CCDC68: variants seen among roughly 807,000 people sequenced by gnomAD.
The protein encoded by CCDC68 is coiled-coil domain containing 68.
In CCDC68, 45 loss-of-function variants were observed where a neutral mutation model predicts 47.1. That is an observed-to-expected ratio of 0.96 (90% CI 0.75 to 1.23). CCDC68 has a LOEUF of 1.23. Among genes scored for constraint, CCDC68 ranks in the 50% most tolerant of loss-of-function variants. The pLI is 0.00. For synonymous variants in CCDC68, 131 were observed against 129.5 expected (o/e 1.01, Z -0.08); for missense variants, 353 against 373.6 (o/e 0.94, Z 0.45).
chr18:54,949,169 T>G (rs1181787159), intron 1 of CCDC68, among the ~76,000 whole-genome samples: 1 of 152,132 alleles, frequency 6.6e-6, no homozygotes, highest in East Asian at 1.9e-4. Flanking sequence ...AATTTTTTTG[T>G]ATTTTTAGTA....
chr18:54,945,566 T>C (rs988380562), intron 1 of CCDC68, 89 bp from the exon 2 acceptor site: 1 of 152,196 alleles, frequency 6.6e-6, no homozygotes, highest in Admixed American at 6.5e-5. Context: ...ATTTGCATAT[T>C]TGAGGGCATC....
rs935585990 is a variant in CCDC68 at position 54,938,085 on chromosome 18, G to C, written c.217C>G (p.Leu73Val). ...HKLDAKHCGN[L>V]QQGSDSEMDP... ...ATTTCAGAATCAGAGCCCTGTTGAA[G>C]GTTTCCACAGTGCTGAAACGGACAA... Residue 73 changes from leucine to valine, a missense_variant, in exon 5 of 12, where the codon CTT becomes GTT. By Grantham distance (32) the Leu-to-Val change is conservative. Transcript: ENST00000591504. 6.2e-7 allele frequency: 1 copy of C among 1,612,774 alleles called. No homozygotes were observed. Among genetic ancestry groups the C allele is most frequent in the African/African-American group, 1.3e-5 (1 of 74,826 alleles).
chr18:54,923,798 A>G (rs1944380), intron 8 of CCDC68, among the ~76,000 whole-genome samples: 149,775 of 152,076 alleles, frequency 0.98, 73,804 homozygotes, highest in East Asian at 1. Context: ...TGCAACCTCC[A>G]GCTCCTGGGT....
intron 1 of CCDC68, among the ~76,000 whole-genome samples, chr18:54,946,946 A>G (rs1312882258): frequency 1.3e-5 from 2 of 152,184 alleles, no homozygotes; most frequent in South Asian, 2.1e-4. Context: ...CAGGGCAGGT[A>G]GTTCACATCT....
intron 1 of CCDC68, among the ~76,000 whole-genome samples, chr18:54,948,872 G>A (rs2044569057): frequency 6.6e-6 from 1 of 152,238 alleles, no homozygotes; most frequent in South Asian, 2.1e-4. Flanking sequence ...TGGTATTTGA[G>A]CAAAAGATGA....
intron 6 of CCDC68, 32 bp from the exon 7 acceptor site, chr18:54,934,980 A>G: frequency 3.3e-6 from 5 of 1,500,822 alleles, no homozygotes; most frequent in Non-Finnish European, 4.4e-6. Context: ...TGTTGTGAAA[A>G]CTCTGTTTTT....
chr18:54,936,235 A>C (rs1231180358), intron 6 of CCDC68, among the ~76,000 whole-genome samples: 1 of 75,974 alleles, frequency 1.3e-5, no homozygotes, highest in Non-Finnish European at 2.6e-5. Flanking sequence ...TATATTTTTA[A>C]AAAATATATA....
At chr18:54,914,838 G>A (rs1167382788) in intron 10 of CCDC68, among the ~76,000 whole-genome samples, 1 of 152,146 alleles carries the variant, frequency 6.6e-6, no homozygotes, top group Non-Finnish European at 1.5e-5. Flanking sequence ...TACAAACGGA[G>A]TACAATGGAA....
chr18:54,912,962 C>G (rs111731642), intron 10 of CCDC68, among the ~76,000 whole-genome samples: 2 of 152,118 alleles, frequency 1.3e-5, no homozygotes, highest in Non-Finnish European at 2.9e-5. Flanking sequence ...CCACAGGGTC[C>G]CTCCCACAAC....
At chr18:54,952,064 G>A (rs1175348770) in intron 1 of CCDC68, among the ~76,000 whole-genome samples, 1 of 152,306 alleles carries the variant, frequency 6.6e-6, no homozygotes, top group East Asian at 1.9e-4. Flanking sequence ...ACAACTTATT[G>A]TGGACATTTG....
At chr18:54,942,916 G>T in intron 2 of CCDC68, 113 bp from the exon 3 acceptor site, 1 of 659,250 alleles carries the variant, frequency 1.5e-6, no homozygotes, top group Non-Finnish European at 2.7e-6. Context: ...TAGCAGAAAA[G>T]CTATAAATCA....
At chr18:54,926,706 G>A (rs546595402) in intron 8 of CCDC68, among the ~76,000 whole-genome samples, 1 of 152,314 alleles carries the variant, frequency 6.6e-6, no homozygotes, top group African/African-American at 2.4e-5. Context: ...GAGATCTTCA[G>A]AGGTTTCTAG....
At chr18:54,951,048 A>T (rs1057386956) in intron 1 of CCDC68, among the ~76,000 whole-genome samples, 1 of 148,888 alleles carries the variant, frequency 6.7e-6, no homozygotes, top group African/African-American at 2.5e-5. Flanking sequence ...AGCTGGGACT[A>T]CAGGCGCCCG....
intron 11 of CCDC68, among the ~76,000 whole-genome samples, chr18:54,905,907 G>A (rs987441986): frequency 2.0e-5 from 3 of 152,126 alleles, no homozygotes; most frequent in Admixed American, 6.5e-5. Flanking sequence ...ATAGGTGCAC[G>A]AACCCCATTG....
rs1444502288 is a variant in CCDC68, at chr18:54,902,686, C to T, written c.*1672G>A. On this transcript the variant is annotated 3_prime_UTR_variant, in exon 12 of 12. Transcript: ENST00000591504. The stretch of plus-strand genomic sequence containing the variant: ...TCTTACTGTCATCCACAAAATAACA[C>T]AGGCAGTCATCCAGGAAGCTATGTG... 6.6e-6 allele frequency: 1 copy of T among 152,186 alleles called. No individual in the cohort carries two copies. The highest frequency in any genetic ancestry group is 2.4e-5 in the African/African-American group (1 of 41,442). 9.4% of individuals were successfully genotyped at this position (152,186 alleles called of 1,614,324 possible).
At position 54,934,853 on chromosome 18, in the gene CCDC68, T is replaced by C; in HGVS notation, c.567A>G (p.Thr189=). ...EKLEEKHSQI[T]ELENLVQRME... is the part of the protein sequence containing the mutation. ...TTCTCTGTACAAGGTTCTCCAATTCTGTAATTTGACTGTGTTTTTCTTCAA... is the reference window on the plus strand; with the variant it reads ...TTCTCTGTACAAGGTTCTCCAATTCCGTAATTTGACTGTGTTTTTCTTCAA... The change falls in exon 7 of 12, where the codon ACA becomes ACG. Residue 189 remains threonine, a synonymous_variant. Transcript: ENST00000591504. 6.3e-7 allele frequency: 1 copy of C among 1,597,138 alleles called. No homozygotes were observed. Among genetic ancestry groups the C allele is most frequent in the Non-Finnish European group, 8.5e-7 (1 of 1,172,706 alleles).
chr18:54,938,983 G>A (rs2044394001), intron 4 of CCDC68, among the ~76,000 whole-genome samples: 1 of 152,208 alleles, frequency 6.6e-6, no homozygotes, highest in African/African-American at 2.4e-5. Flanking sequence ...TTACACAGGT[G>A]AGGAATTTGA....
At chr18:54,926,994 A>G (rs1057094694) in intron 8 of CCDC68, among the ~76,000 whole-genome samples, 1 of 152,232 alleles carries the variant, frequency 6.6e-6, no homozygotes, top group Non-Finnish European at 1.5e-5. Context: ...ATTTTTAAGA[A>G]GACAAATCTT....
chr18:54,948,914 G>A (rs1360668332), intron 1 of CCDC68, among the ~76,000 whole-genome samples: 1 of 152,196 alleles, frequency 6.6e-6, no homozygotes, highest in East Asian at 1.9e-4. Context: ...GTGGCTCTCT[G>A]GGATCTAGGA....
Sources: allele counts gnomAD v4.1 joint callset (sites outside exome capture counted in the v4.1 genomes callset), GRCh38; gene constraint gnomAD v4.1.1; transcripts MANE v1.5; gene names NCBI Gene and HGNC (gene_info 2026-07-23, HGNC 2026-07-21).